The following ATXN10 variants were observed in gnomAD, a reference collection of about 807,000 sequenced individuals.
ATXN10 encodes ataxin 10, also known as ataxin-10.
ATXN10 carries 28 observed loss-of-function variants against 52.9 expected under a neutral mutation model. The ratio of observed to expected loss-of-function variants is 0.53; its 90% CI spans 0.39 to 0.73. ATXN10 has a LOEUF of 0.73. Ranked by LOEUF, ATXN10 falls within the 30% of genes least tolerant of loss-of-function variation. ATXN10 has a pLI of 0.00. For missense variants in ATXN10, 565 were observed against 577.0 expected, an observed-to-expected ratio of 0.98 and a Z score of 0.21; for synonymous variants, 226 against 221.5, an observed-to-expected ratio of 1.02 and a Z score of -0.18.
At chr22:45,836,522 A>G (rs984868555) in intron 10 of ATXN10, among the ~76,000 whole-genome samples, 1 of 152,134 alleles carries the variant, frequency 6.6e-6, no homozygotes, top group Non-Finnish European at 1.5e-5. Context: ...CAGGAAGCCC[A>G]GGGCTCCCTG....
At chr22:45,749,723 G>A (rs574770339) in intron 9 of ATXN10, among the ~76,000 whole-genome samples, 19 of 151,962 alleles carry the variant, frequency 1.3e-4, no homozygotes, top group African/African-American at 4.1e-4. Context: ...CACCATGCCC[G>A]ACTACTAAAA....
Position 45,795,215 on chromosome 22 carries a change from C to A in ATXN10, c.1174-11744C>A, listed in dbSNP as rs973796980. 6.6e-6 allele frequency among the ~76,000 whole-genome samples: 1 copy of A among 152,064 alleles called. No homozygotes were observed. Among genetic ancestry groups the A allele is most frequent in the African/African-American group, 2.4e-5 (1 of 41,400 alleles). On this transcript the variant is annotated intron_variant, in intron 9 of 11. Transcript: ENST00000252934. The surrounding 1 kb of genome is among the most constrained non-coding windows in gnomAD (Gnocchi z 4.6). ...AGTGGAATATTTAAAAATGCTCAGT[C>A]TCAAAAGAGTCTGGAAAATAAGAAC... is the stretch of plus-strand genomic sequence containing the variant.
intron 9 of ATXN10, among the ~76,000 whole-genome samples, chr22:45,764,286 C>T (rs1235775579): frequency 1.3e-5 from 2 of 151,000 alleles, no homozygotes; most frequent in Admixed American, 6.6e-5. Flanking sequence ...CAGGCCCAGA[C>T]CTCTCAGATT....
intron 9 of ATXN10, among the ~76,000 whole-genome samples, chr22:45,788,313 C>G (rs1391185749): frequency 6.6e-6 from 1 of 152,058 alleles, no homozygotes; most frequent in Non-Finnish European, 1.5e-5. Context: ...CCCGCATCCC[C>G]AGATCTTTTC....
intron 7 of ATXN10, among the ~76,000 whole-genome samples, chr22:45,737,518 T>C (rs373530215): frequency 6.6e-6 from 1 of 152,182 alleles, no homozygotes; most frequent in African/African-American, 2.4e-5. Flanking sequence ...GGCTATGATA[T>C]AAAATTAAAG....
chr22:45,744,150 T>C lies in ATXN10; in HGVS notation c.1173+3612T>C, dbSNP rs16994474. 5.9e-3 allele frequency among the ~76,000 whole-genome samples: 903 copies of C among 152,314 alleles called. 31 individuals carry two copies. The East Asian group carries it at 0.075, about 13-fold the overall frequency. On this transcript the variant is annotated intron_variant, in intron 9 of 11. Coordinates refer to ENST00000252934, the MANE Select transcript of ATXN10 (RefSeq NM_013236.4). This position sits in a 1 kb window ranked among gnomAD's most constrained non-coding sequence, Gnocchi z 4.9. ...TTGACGGGTAATTCAGGCAAGGTAT[T>C]AATATCTTCTGTGGAGCTTCCATTC... is the stretch of plus-strand genomic sequence containing the variant.
intron 9 of ATXN10, among the ~76,000 whole-genome samples, 189 bp from the exon 10 acceptor site, chr22:45,806,765 GAAAAT>G (rs980816375): frequency 3.3e-5 from 5 of 152,098 alleles, no homozygotes; most frequent in African/African-American, 9.6e-5. Flanking sequence ...GAAGTCCAGT[GAAAAT>G]AAAATAAAAT....
At chr22:45,692,713 A>G (rs1420776209) in intron 2 of ATXN10, among the ~76,000 whole-genome samples, 1 of 152,196 alleles carries the variant, frequency 6.6e-6, no homozygotes, top group African/African-American at 2.4e-5. Flanking sequence ...TTTTGCCAAG[A>G]ATGCATGGAA....
chr22:45,741,719 T>C (rs1925543998), intron 9 of ATXN10, among the ~76,000 whole-genome samples: 1 of 152,178 alleles, frequency 6.6e-6, no homozygotes, highest in Admixed American at 6.5e-5. Context: ...TAGGTCCTGC[T>C]TCAGTTAGTA....
At position 45,688,615 on chromosome 22, in the gene ATXN10, G is replaced by A. The variant is rs891936344; in HGVS notation, c.117-1097G>A. 6.6e-6 allele frequency among the ~76,000 whole-genome samples: 1 copy of A among 152,208 alleles called. No individual in the cohort carries two copies. The highest frequency in any genetic ancestry group is 2.4e-5 in the African/African-American group (1 of 41,448). ...TGCCCCCGGAAAAGGGGCTTCCATA[G>A]GTGTCTTCTGCGGCAACTGAGCAGC... On this transcript the variant is annotated intron_variant, in intron 1 of 11. Transcript: ENST00000252934. This position sits in a 1 kb window ranked among gnomAD's most constrained non-coding sequence, Gnocchi z 4.0.
intron 9 of ATXN10, among the ~76,000 whole-genome samples, chr22:45,779,072 T>A (rs1054688907): frequency 3.9e-5 from 6 of 152,118 alleles, no homozygotes; most frequent in Non-Finnish European, 4.4e-5. Flanking sequence ...AGCTCTTGAG[T>A]ATGAGATTTA....
chr22:45,729,189 A>G (rs1206392706), intron 6 of ATXN10, among the ~76,000 whole-genome samples: 3 of 152,226 alleles, frequency 2.0e-5, no homozygotes, highest in Non-Finnish European at 4.4e-5. Context: ...ATGGACATAA[A>G]AGGTGCATTA....
At chr22:45,768,495 T>C (rs1017769602) in intron 9 of ATXN10, among the ~76,000 whole-genome samples, 2 of 152,208 alleles carry the variant, frequency 1.3e-5, no homozygotes, top group African/African-American at 2.4e-5. Context: ...GCAGTAAGTA[T>C]AATACCACGT....
At chr22:45,692,414 A>G (rs1018682645) in intron 2 of ATXN10, among the ~76,000 whole-genome samples, 3 of 152,246 alleles carry the variant, frequency 2.0e-5, no homozygotes, top group South Asian at 2.1e-4. Flanking sequence ...CCCTTCTAGG[A>G]TTGTATTATT....
At chr22:45,798,122 C>A (rs1927809050) in intron 9 of ATXN10, among the ~76,000 whole-genome samples, 1 of 152,214 alleles carries the variant, frequency 6.6e-6, no homozygotes, top group South Asian at 2.1e-4. Context: ...TATACCCAAT[C>A]TTTCTCTTTC....
rs190735979 is a variant in ATXN10, at chr22:45,727,342, T to C, written c.729-2083T>C. ...CTGTCTATCTATCTATATCTATCTA[T>C]CTATCTATCTATCTATCTATCTATC... is the stretch of plus-strand genomic sequence containing the variant. On this transcript the variant is annotated intron_variant, in intron 6 of 11. Coordinates refer to ENST00000252934, the MANE Select transcript of ATXN10 (RefSeq NM_013236.4). This position sits in a 1 kb window ranked among gnomAD's most constrained non-coding sequence, Gnocchi z 4.6. Among the ~76,000 whole-genome samples the C allele has an allele frequency of 6.7e-6, 1 of 150,300 alleles. No individual in the cohort carries two copies. The highest frequency in any genetic ancestry group is 2.5e-5 in the African/African-American group (1 of 40,088).
At position 45,772,398 on chromosome 22, in the gene ATXN10, C is replaced by T. The variant is rs1188729237; in HGVS notation, c.1173+31860C>T. Reference sequence around the variant, plus strand: ...ATCAAATGGCCCAATTTGTGTGGGTCTGTTTCCAGATATGCTATTTTGTTC... The same window carrying T: ...ATCAAATGGCCCAATTTGTGTGGGTTTGTTTCCAGATATGCTATTTTGTTC... On this transcript the variant is annotated intron_variant, in intron 9 of 11. Transcript: ENST00000252934. The surrounding 1 kb of genome is among the most constrained non-coding windows in gnomAD (Gnocchi z 4.1). Among the ~76,000 whole-genome samples, 1 of 152,136 alleles carries T rather than the reference C, an allele frequency of 6.6e-6. No individual in the cohort carries two copies. The highest frequency in any genetic ancestry group is 1.5e-5 in the Non-Finnish European group (1 of 68,022).
Position 45,798,846 on chromosome 22 carries a change from A to G in ATXN10, c.1174-8113A>G, listed in dbSNP as rs528288347. On this transcript the variant is annotated intron_variant, in intron 9 of 11. Coordinates refer to ENST00000252934, the MANE Select transcript of ATXN10 (RefSeq NM_013236.4). ...ATTAATTATATAAAACTAGCAAATAATAATAAGAAAAAATTTAAATGCCAC... is the reference window on the plus strand; with the variant it reads ...ATTAATTATATAAAACTAGCAAATAGTAATAAGAAAAAATTTAAATGCCAC... 6.9e-4 allele frequency among the ~76,000 whole-genome samples: 105 copies of G among 152,362 alleles called. 1 individual carries two copies. Among genetic ancestry groups the G allele is most frequent in the African/African-American group, 2.3e-3 (95 of 41,586 alleles).
Position 45,757,710 on chromosome 22 carries a change from A to G in ATXN10, c.1173+17172A>G, listed in dbSNP as rs1269070903. ...TACATTTTTCATATGCTGACCTTAT[A>G]AGTCATATTGTTTTGAAATTATATT... On this transcript the variant is annotated intron_variant, in intron 9 of 11. Transcript: ENST00000252934. The surrounding 1 kb of genome is among the most constrained non-coding windows in gnomAD (Gnocchi z 4.6). Among the ~76,000 whole-genome samples, 1 of 152,114 alleles carries G rather than the reference A, an allele frequency of 6.6e-6. No individual in the cohort carries two copies. Among genetic ancestry groups the G allele is most frequent in the African/African-American group, 2.4e-5 (1 of 41,428 alleles).
Sources: allele counts gnomAD v4.1 joint callset (sites outside exome capture counted in the v4.1 genomes callset), GRCh38; gene constraint gnomAD v4.1.1; non-coding constraint Gnocchi (gnomAD v3.1); transcripts MANE v1.5; gene names NCBI Gene and HGNC (gene_info 2026-07-23, HGNC 2026-07-21).